The following CNBD1 variants were observed in gnomAD, a reference collection of about 807,000 sequenced individuals.
CNBD1 encodes the protein cyclic nucleotide binding domain containing 1.
Under a neutral mutation model 54.4 loss-of-function variants are expected in CNBD1, and 71 were observed. That is an observed-to-expected ratio of 1.30 (90% CI 1.08 to 1.59). The LOEUF (loss-of-function observed/expected upper bound fraction) is 1.59, where lower values mean the gene tolerates loss of function less well. Among genes scored for constraint, CNBD1 ranks in the 40% most tolerant of loss-of-function variants. The pLI, the probability that CNBD1 is intolerant of heterozygous loss-of-function variation, is 0.00. For synonymous variants in CNBD1, 182 were observed against 170.7 expected, an observed-to-expected ratio of 1.07 and a Z score of -0.51; for missense variants, 659 against 518.0, an observed-to-expected ratio of 1.27 and a Z score of -2.64.
chr8:86,911,627 A>G (rs958350526), intron 3 of CNBD1, among the ~76,000 whole-genome samples: 1 of 152,202 alleles, frequency 6.6e-6, no homozygotes. Context: ...ATTTTGAAAT[A>G]TACAGTAGAT....
chr8:87,095,654 A>C (rs1191099500), intron 4 of CNBD1, among the ~76,000 whole-genome samples: 1 of 152,144 alleles, frequency 6.6e-6, no homozygotes, highest in Non-Finnish European at 1.5e-5. Flanking sequence ...ATATATATAT[A>C]TCTGTTCTCG....
downstream of CNBD1, among the ~76,000 whole-genome samples, chr8:87,386,448 C>T (rs559682648): frequency 5.3e-5 from 8 of 152,068 alleles, no homozygotes; most frequent in Admixed American, 3.3e-4. Context: ...AACCGTGGCA[C>T]GAGAACTATG....
intron 2 of CNBD1, among the ~76,000 whole-genome samples, chr8:87,424,290 A>T (rs1425091820): frequency 6.6e-6 from 1 of 151,464 alleles, no homozygotes; most frequent in Non-Finnish European, 1.5e-5. Context: ...TTCTGCTCTG[A>T]TTTTAGTTAC....
intron 6 of CNBD1, among the ~76,000 whole-genome samples, chr8:87,248,331 A>G (rs866371528): frequency 4.6e-5 from 7 of 152,180 alleles, no homozygotes; most frequent in Admixed American, 2.0e-4. Flanking sequence ...GCCTCTCCTA[A>G]AAGTTCACAA....
intron 4 of CNBD1, among the ~76,000 whole-genome samples, chr8:86,997,078 G>A (rs1808891316): frequency 6.6e-6 from 1 of 152,136 alleles, no homozygotes; most frequent in Non-Finnish European, 1.5e-5. Context: ...TTTATTTGGA[G>A]GGGATCACAA....
At position 86,866,456 on chromosome 8, in the gene CNBD1, A is replaced by C; in HGVS notation, c.-40A>C. 6.7e-7 allele frequency: 1 copy of C among 1,487,066 alleles called. No individual in the cohort carries two copies. Among genetic ancestry groups the C allele is most frequent in the South Asian group, 1.2e-5 (1 of 84,860 alleles). 92.1% of individuals were successfully genotyped at this position (1,487,066 alleles called of 1,614,324 possible). The stretch of plus-strand genomic sequence containing the variant: ...GGCAAAGAGTGATCATTTGCCTCTC[A>C]AGCAGCCTCTGGTCATCTATCTGCC... On this transcript the variant is annotated 5_prime_UTR_variant, in exon 1 of 11. Transcript: ENST00000518476.
chr8:87,372,482 A>G (rs933685264), intron 10 of CNBD1, among the ~76,000 whole-genome samples: 1 of 151,920 alleles, frequency 6.6e-6, no homozygotes, highest in African/African-American at 2.4e-5. Flanking sequence ...ACTGATTTCC[A>G]AATTTCTTCA....
intron 4 of CNBD1, among the ~76,000 whole-genome samples, chr8:87,058,057 A>G (rs543107840): frequency 2.0e-5 from 3 of 152,278 alleles, no homozygotes; most frequent in Admixed American, 1.3e-4. Flanking sequence ...CATTGAGGAA[A>G]TACACCCATT....
At chr8:87,376,566 T>A (rs1000141645) in intron 10 of CNBD1, among the ~76,000 whole-genome samples, 1 of 151,886 alleles carries the variant, frequency 6.6e-6, no homozygotes, top group Non-Finnish European at 1.5e-5. Flanking sequence ...TGAAACCACA[T>A]AGCAACATGC....
Position 87,425,072 on chromosome 8 carries a change from C to T in CNBD1, c.214-3474C>T, listed in dbSNP as rs558196177. Among the ~76,000 whole-genome samples the T allele has an allele frequency of 2.7e-3, 414 of 152,160 alleles. 1 individual carries two copies. The highest frequency in any genetic ancestry group is 9.5e-3 in the African/African-American group (395 of 41,504). On this transcript the variant is annotated intron_variant, in intron 2 of 7. Transcript: ENST00000521593. ...CCTTCTCGCTTCATTTCATTCATTT[C>T]ATCTTCCATTGCTGATACCCTTTCT...
intron 8 of CNBD1, among the ~76,000 whole-genome samples, chr8:87,301,530 G>C (rs1585994586): frequency 6.6e-6 from 1 of 151,992 alleles, no homozygotes; most frequent in South Asian, 2.1e-4. Flanking sequence ...AAAGATGCAG[G>C]GATAGTTTAG....
intron 3 of CNBD1, among the ~76,000 whole-genome samples, chr8:86,934,687 A>C (rs1481127596): frequency 9.2e-5 from 14 of 152,188 alleles, no homozygotes; most frequent in Non-Finnish European, 2.1e-4. Flanking sequence ...TTACAAATAG[A>C]TATTGAACCA....
chr8:87,223,790 A>G (rs911607566), intron 5 of CNBD1, among the ~76,000 whole-genome samples: 11 of 151,980 alleles, frequency 7.2e-5, no homozygotes, highest in African/African-American at 2.7e-4. Context: ...TGGTATTTCC[A>G]GTTCTAGATC....
intron 6 of CNBD1, among the ~76,000 whole-genome samples, chr8:87,275,954 G>A (rs895355808): frequency 2.0e-5 from 3 of 151,868 alleles, no homozygotes; most frequent in Admixed American, 6.6e-5. Context: ...AATCATGAGT[G>A]AACTCCCATT....
intron 8 of CNBD1, among the ~76,000 whole-genome samples, chr8:87,302,382 A>G (rs1039940574): frequency 1.5e-4 from 23 of 152,146 alleles, no homozygotes; most frequent in South Asian, 6.2e-4. Flanking sequence ...AACCAATTAC[A>G]AAAACCACAT....
intron 3 of CNBD1, among the ~76,000 whole-genome samples, chr8:86,911,677 C>A (rs1809101804): frequency 6.6e-6 from 1 of 152,040 alleles, no homozygotes; most frequent in Admixed American, 6.6e-5. Flanking sequence ...GTGATATTAT[C>A]CTTGTTCATA....
At chr8:86,941,557 T>C (rs1284064456) in intron 4 of CNBD1, among the ~76,000 whole-genome samples, 1 of 152,120 alleles carries the variant, frequency 6.6e-6, no homozygotes, top group African/African-American at 2.4e-5. Flanking sequence ...AGTTTCCAGA[T>C]AACAAAGTTT....
At chr8:86,955,045 CATT>C (rs1049927867) in intron 4 of CNBD1, among the ~76,000 whole-genome samples, 3 of 148,238 alleles carry the variant, frequency 2.0e-5, no homozygotes, top group Non-Finnish European at 3.0e-5. Context: ...CAAGTGTTCT[CATT>C]GTTCATTTCC....
chr8:87,243,459 T>G (rs1807743526), intron 6 of CNBD1, among the ~76,000 whole-genome samples: 1 of 152,178 alleles, frequency 6.6e-6, no homozygotes, highest in Non-Finnish European at 1.5e-5. Context: ...TTTCTGATAA[T>G]GGGTGCTGCC....
Sources: allele counts gnomAD v4.1 joint callset (sites outside exome capture counted in the v4.1 genomes callset), GRCh38; gene constraint gnomAD v4.1.1; transcripts MANE v1.5; gene names NCBI Gene and HGNC (gene_info 2026-07-23, HGNC 2026-07-21).